PLCH2: variants seen among roughly 807,000 people sequenced by gnomAD.
PLCH2 encodes phospholipase C eta 2.
Under a neutral mutation model 134.7 loss-of-function variants are expected in PLCH2, and 98 were observed. The ratio of observed to expected loss-of-function variants is 0.73; its 90% CI spans 0.62 to 0.86. The LOEUF (loss-of-function observed/expected upper bound fraction) is 0.86. Among genes scored for constraint, PLCH2 ranks in the 40% least tolerant of loss-of-function variants. The probability of loss-of-function intolerance (pLI) is 0.00; values close to 1 mark genes in which losing one functional copy is unlikely to be tolerated. For missense variants in PLCH2, 1,994 were observed against 1,986.6 expected (o/e 1.00, Z -0.07); for synonymous variants, 974 against 827.5 (o/e 1.18, Z -3.04).
intron 2 of PLCH2, among the ~76,000 whole-genome samples, chr1:2,441,385 C>A (rs748226700): frequency 6.6e-6 from 1 of 152,194 alleles, no homozygotes; most frequent in African/African-American, 2.4e-5. Flanking sequence ...AGGGGCTGAG[C>A]GTGGGGGCAT....
chr1:2,463,372 G>T (rs928234363), upstream of PLCH2, among the ~76,000 whole-genome samples: 2 of 152,248 alleles, frequency 1.3e-5, no homozygotes, highest in African/African-American at 4.8e-5. Flanking sequence ...AGGGACACAT[G>T]GGGGACCTCG....
At chr1:2,455,527 G>A (rs754208000) in intron 2 of PLCH2, among the ~76,000 whole-genome samples, 12 of 152,308 alleles carry the variant, frequency 7.9e-5, no homozygotes, top group Middle Eastern at 6.8e-3. Context: ...CTGGCAGCCC[G>A]CCTTCCTGCA....
chr1:2,500,464 G>A (rs544067986), intron 20 of PLCH2: 1 of 152,722 alleles, frequency 6.5e-6, no homozygotes, highest in African/African-American at 2.4e-5. Flanking sequence ...CCACTGCTGT[G>A]GCCGCCTCAC....
At position 2,483,831 on chromosome 1, in the gene PLCH2, TG is replaced by T. The variant is rs35850445; in HGVS notation, c.646-612del. On this transcript the variant is annotated intron_variant, in intron 4 of 21. Transcript: ENST00000378486. ...TGTGGGGGTGGCGCTGACCCCCGTG[TG>T]GGGGTGGCGCTGACCCCCGTGTGGG... 1.0e-3 allele frequency among the ~76,000 whole-genome samples: 72 copies of T among 70,692 alleles called. 6 individuals carry two copies. Among genetic ancestry groups the T allele is most frequent in the East Asian group, 2.9e-3 (5 of 1,698 alleles). The allele number at this position is 70,692 out of a possible 152,430, so 46.4% of individuals were successfully genotyped here.
chr1:2,465,139 G>A (rs1305260184), upstream of PLCH2, among the ~76,000 whole-genome samples: 1 of 152,192 alleles, frequency 6.6e-6, no homozygotes, highest in Non-Finnish European at 1.5e-5. Context: ...ACCTAGGGCT[G>A]TGGGCCAAGG....
upstream of PLCH2, among the ~76,000 whole-genome samples, chr1:2,472,277 C>T (rs564223194): frequency 9.8e-5 from 15 of 152,346 alleles, no homozygotes; most frequent in Middle Eastern, 3.4e-3. Context: ...CCCTCCCGTG[C>T]GGCGCCAGTC....
chr1:2,491,522 C>A (rs115996135), intron 11 of PLCH2, among the ~76,000 whole-genome samples, 187 bp downstream of exon 11: 1 of 152,220 alleles, frequency 6.6e-6, no homozygotes, highest in Non-Finnish European at 1.5e-5. Flanking sequence ...CACCTACCAG[C>A]GGGGTCTCAA....
rs558377351 is a variant in PLCH2 at position 2,430,930 on chromosome 1, T to TG, written c.115+308dup. ...ATGGCTCTCTGCCCACCTGCTGCAC[T>TG]GGGGGGGTCTGGGAGAGGTGCCCCT... On this transcript the variant is annotated intron_variant, in intron 2 of 3. Coordinates refer to the PLCH2 transcript ENST00000609981. 3.7e-4 allele frequency among the ~76,000 whole-genome samples: 57 copies of TG among 152,256 alleles called. No homozygotes were observed. In the East Asian group the frequency reaches 7.7e-3, roughly 21 times the overall value.
upstream of PLCH2, among the ~76,000 whole-genome samples, chr1:2,472,590 G>A (rs746772596): frequency 2.2e-4 from 34 of 152,238 alleles, no homozygotes; most frequent in Non-Finnish European, 4.3e-4. Flanking sequence ...GGGTAGGCTG[G>A]CCTGGGGGCC....
At chr1:2,445,497 C>T (rs767259660) in intron 2 of PLCH2, among the ~76,000 whole-genome samples, 1 of 151,000 alleles carries the variant, frequency 6.6e-6, no homozygotes, top group South Asian at 2.1e-4. Flanking sequence ...CCTCAGATCC[C>T]TGAGCATGAG....
At chr1:2,472,981 C>T (rs374592791), upstream of PLCH2, among the ~76,000 whole-genome samples, 22 of 152,250 alleles carry the variant, frequency 1.4e-4, no homozygotes, top group East Asian at 4.3e-3. Flanking sequence ...CCAGCCTTCC[C>T]CAGGGGAGAG....
In PLCH2 at chr1:2,439,307, G is replaced by T. The variant is rs1488365006; in HGVS notation, c.115+8678G>T. 6.6e-6 allele frequency among the ~76,000 whole-genome samples: 1 copy of T among 152,168 alleles called. No individual in the cohort carries two copies. The highest frequency in any genetic ancestry group is 1.5e-5 in the Non-Finnish European group (1 of 68,040). On this transcript the variant is annotated intron_variant, in intron 2 of 3. Transcript: ENST00000609981. The surrounding 1 kb of genome is among the most constrained non-coding windows in gnomAD (Gnocchi z 4.7). ...AGCCCATGCAGCAAGGTGCCTGGGG[G>T]GTCTCAGAGCAGGAGGCTCAGCCCT...
chr1:2,462,385 A>C (rs1570346132), intron 2 of PLCH2, among the ~76,000 whole-genome samples: 2 of 59,458 alleles, frequency 3.4e-5, no homozygotes, highest in African/African-American at 6.9e-5. Context: ...TCCACCTGAC[A>C]CCCCCTCCGC....
chr1:2,484,014 C>T (rs1228000880), intron 4 of PLCH2, among the ~76,000 whole-genome samples: 1 of 128,808 alleles, frequency 7.8e-6, no homozygotes, highest in African/African-American at 3.1e-5. Flanking sequence ...TGTGGGGGGG[C>T]GCTGACTCCC....
intron 2 of PLCH2, among the ~76,000 whole-genome samples, chr1:2,461,869 C>CT (rs1640816584): frequency 7.1e-5 from 7 of 98,924 alleles, no homozygotes; most frequent in African/African-American, 3.0e-4. Flanking sequence ...CAGACTCATC[C>CT]CCCCCAGGGC....
Position 2,504,340 on chromosome 1 carries a change from C to A in PLCH2, c.3378C>A (p.Gly1126=), listed in dbSNP as rs768171921. ...PAPAVYSDAT[G]SDPLWQRLEP... Reference sequence around the variant, plus strand: ...CTGCCGTGTACTCCGATGCCACGGGCAGTGACCCGCTGTGGCAGCGGCTGG... The same window carrying A: ...CTGCCGTGTACTCCGATGCCACGGGAAGTGACCCGCTGTGGCAGCGGCTGG... The change falls in exon 22 of 22, where the codon GGC becomes GGA. Residue 1126 remains glycine (G), a synonymous_variant. Coordinates refer to ENST00000378486, the MANE Select transcript of PLCH2 (RefSeq NM_014638.4). 12 of 1,610,778 alleles carry A rather than the reference C, an allele frequency of 7.4e-6. No individual in the cohort carries two copies. Among genetic ancestry groups the A allele is most frequent in the African/African-American group, 2.7e-5 (2 of 74,946 alleles).
intron 6 of PLCH2, 83 bp downstream of exon 6, chr1:2,487,083 G>A: frequency 6.7e-7 from 1 of 1,495,104 alleles, no homozygotes; most frequent in Non-Finnish European, 9.1e-7. Context: ...CGGGACAGGT[G>A]TTCTGTGTTC....
intron 1 of PLCH2, among the ~76,000 whole-genome samples, chr1:2,429,585 T>C (rs1638968235): frequency 6.6e-6 from 1 of 152,128 alleles, no homozygotes; most frequent in Admixed American, 6.5e-5. Context: ...GGGCCCCTTC[T>C]TGGGAGCAGT....
At chr1:2,489,677 G>A in intron 9 of PLCH2, 83 bp from the exon 10 acceptor site, 1 of 1,125,254 alleles carries the variant, frequency 8.9e-7, no homozygotes, top group Non-Finnish European at 1.3e-6. Context: ...CCTCTCCTTG[G>A]CCGGCGGCTC....
Sources: allele counts gnomAD v4.1 joint callset (sites outside exome capture counted in the v4.1 genomes callset), GRCh38; gene constraint gnomAD v4.1.1; non-coding constraint Gnocchi (gnomAD v3.1); transcripts MANE v1.5; gene names NCBI Gene and HGNC (gene_info 2026-07-23, HGNC 2026-07-21).